The following TEX35 variants were observed in gnomAD, a reference collection of about 807,000 sequenced individuals.
TEX35 encodes testis-expressed protein 35.
In TEX35, 26 loss-of-function variants were observed where a neutral mutation model predicts 31.9. The ratio of observed to expected loss-of-function variants is 0.81; its 90% CI spans 0.60 to 1.13. The LOEUF (loss-of-function observed/expected upper bound fraction) is 1.13, where lower values mean the gene tolerates loss of function less well. TEX35 is among the 50% of genes most tolerant of loss of function. The probability of loss-of-function intolerance (pLI) is 0.00; values close to 1 mark genes in which losing one functional copy is unlikely to be tolerated. For synonymous variants in TEX35, 87 were observed against 90.7 expected, an observed-to-expected ratio of 0.96 and a Z score of 0.23; for missense variants, 278 against 273.5, an observed-to-expected ratio of 1.02 and a Z score of -0.12.
At position 178,514,774 on chromosome 1, in the gene TEX35, T is replaced by C. The variant is rs1650012377; in HGVS notation, c.159+6T>C. ...GAGTGACACAGGACCTAAAGGTGAG[T>C]GCGTGAACTTGGAGGCATGTCTATA... On this transcript the variant is annotated splice_donor_region_variant and intron_variant, in intron 3 of 8. Coordinates refer to ENST00000319416, the MANE Select transcript of TEX35 (RefSeq NM_032126.5). 1 of 1,612,650 alleles carries C rather than the reference T, an allele frequency of 6.2e-7. No individual in the cohort carries two copies. The highest frequency in any genetic ancestry group is 8.5e-7 in the Non-Finnish European group (1 of 1,179,270).
At chr1:178,514,335 G>A (rs1649992173) in intron 2 of TEX35, 1 of 1,292,016 alleles carries the variant, frequency 7.7e-7, no homozygotes, top group Non-Finnish European at 1.0e-6. Context: ...CTGCCGTGGA[G>A]TGGGTGGTAG....
chr1:178,516,793 C>A, intron 5 of TEX35, 119 bp downstream of exon 5: 2 of 613,324 alleles, frequency 3.3e-6, no homozygotes, highest in Non-Finnish European at 5.5e-6. Context: ...TATTCCATTG[C>A]AAGAAAGCAT....
intron 8 of TEX35, chr1:178,522,061 G>T (rs1311781217): frequency 9.2e-6 from 6 of 648,692 alleles, no homozygotes; most frequent in African/African-American, 1.8e-5. Context: ...CAGTCTGTGT[G>T]GTCTCAGGAG....
In TEX35 at chr1:178,514,776, C is replaced by T. The variant is rs149112892; in HGVS notation, c.159+8C>T. The stretch of plus-strand genomic sequence containing the variant: ...GTGACACAGGACCTAAAGGTGAGTG[C>T]GTGAACTTGGAGGCATGTCTATATT... On this transcript the variant is annotated splice_region_variant and intron_variant, in intron 3 of 8. Transcript: ENST00000319416. 1.1e-4 allele frequency: 183 copies of T among 1,612,342 alleles called. 1 individual carries two copies. In the East Asian group the frequency reaches 3.7e-3, roughly 32 times the overall value.
chr1:178,513,936 G>T, intron 1 of TEX35, 91 bp from the exon 2 acceptor site: 2 of 1,471,162 alleles, frequency 1.4e-6, no homozygotes, highest in Non-Finnish European at 1.9e-6. Context: ...GTTGTGGGGG[G>T]CAGGGGGCAG....
chr1:178,520,752 A>G lies in TEX35; in HGVS notation c.421A>G (p.Lys141Glu). Residue 141 changes from lysine (K) to glutamate (E), a missense_variant, in exon 7 of 9, where the codon AAG (lysine) becomes GAG (glutamate). Transcript: ENST00000319416. ...TCACAGAGAACCACAGCTCAGGCCC[A>G]AGAAAATGGATGGAGCCAGTGGAGT... ...KTHREPQLRP[K>E]KMDGASGVNG... The G allele has an allele frequency of 6.2e-7, 1 of 1,614,160 alleles. No individual in the cohort carries two copies. Among genetic ancestry groups the G allele is most frequent in the Non-Finnish European group, 8.5e-7 (1 of 1,180,020 alleles).
intron 6 of TEX35, 50 bp downstream of exon 6, chr1:178,520,486 C>G: frequency 1.2e-6 from 2 of 1,614,064 alleles, no homozygotes; most frequent in South Asian, 2.2e-5. Context: ...GGTCTCCTCC[C>G]TTCCCTTTGT....
chr1:178,515,330 CT>C (rs1480018465), intron 3 of TEX35, among the ~76,000 whole-genome samples: 1 of 152,160 alleles, frequency 6.6e-6, no homozygotes, highest in Non-Finnish European at 1.5e-5. Context: ...AACTCCTGAC[CT>C]CAGCTGATCT....
At chr1:178,515,585 A>T (rs1460357462) in intron 3 of TEX35, among the ~76,000 whole-genome samples, 1 of 151,682 alleles carries the variant, frequency 6.6e-6, no homozygotes, top group Non-Finnish European at 1.5e-5. Context: ...ATTAATTTTG[A>T]GATGGGGGTG....
In TEX35 at chr1:178,520,406, T is replaced by C. The variant is rs1213612591; in HGVS notation, c.311T>C (p.Ile104Thr). 2 of 1,614,026 alleles carry C rather than the reference T, an allele frequency of 1.2e-6. No homozygotes were observed. The highest frequency in any genetic ancestry group is 1.6e-4 in the Middle Eastern group (1 of 6,084). The stretch of plus-strand genomic sequence containing the variant: ...AAAGATATGGATGAGAAGATGGACA[T>C]TTTAATAAATACACAGAAGAACTAT... ...MQKDMDEKMD[I>T]LINTQKNYKL... The change falls in exon 6 of 9, where the codon ATT (isoleucine) becomes ACT (threonine). Residue 104 changes from isoleucine (I) to threonine (T), a missense_variant. Coordinates refer to ENST00000319416, the MANE Select transcript of TEX35 (RefSeq NM_032126.5).
At chr1:178,514,105 G>A in intron 2 of TEX35, 28 bp downstream of exon 2, 1 of 1,614,162 alleles carries the variant, frequency 6.2e-7, no homozygotes, top group Non-Finnish European at 8.5e-7. Flanking sequence ...GGCCATGCAG[G>A]CAGCCAGGCC....
At chr1:178,514,615 A>G in intron 2 of TEX35, 85 bp from the exon 3 acceptor site, 1 of 1,374,814 alleles carries the variant, frequency 7.3e-7, no homozygotes, top group Non-Finnish European at 1.0e-6. Flanking sequence ...GGAGGAACAG[A>G]AACACAGGGG....
At chr1:178,514,819 A>C (rs554123301) in intron 3 of TEX35, 51 bp downstream of exon 3, 1 of 1,517,180 alleles carries the variant, frequency 6.6e-7, no homozygotes, top group East Asian at 2.3e-5. Flanking sequence ...ACGTGAGTGT[A>C]AGTTTTCCCC....
intron 8 of TEX35, chr1:178,521,690 C>T (rs1185814757): frequency 7.1e-6 from 11 of 1,551,852 alleles, no homozygotes; most frequent in Non-Finnish European, 9.6e-6. Flanking sequence ...CAGAACCTAC[C>T]AGCAGTTCCG....
intron 8 of TEX35, chr1:178,521,765 C>A (rs1465086813): frequency 6.4e-7 from 1 of 1,551,612 alleles, no homozygotes; most frequent in African/African-American, 1.4e-5. Context: ...AATACCACCC[C>A]AACCCCAGGC....
At chr1:178,514,199 C>T (rs551424744) in intron 2 of TEX35, 122 bp downstream of exon 2, 2 of 1,584,196 alleles carry the variant, frequency 1.3e-6, no homozygotes, top group South Asian at 2.3e-5. Flanking sequence ...CTGGGGGATG[C>T]ACTGAGAGTT....
chr1:178,520,948 CT>C (rs1239093557), intron 7 of TEX35, 74 bp downstream of exon 7: 3 of 1,589,894 alleles, frequency 1.9e-6, no homozygotes, highest in Non-Finnish European at 2.6e-6. Flanking sequence ...CTTCCCCGAG[CT>C]TGTGCTGTAT....
chr1:178,521,094 G>A, intron 7 of TEX35, 128 bp from the exon 8 acceptor site: 1 of 1,583,614 alleles, frequency 6.3e-7, no homozygotes, highest in Middle Eastern at 1.9e-4. Flanking sequence ...CCCTGGATGG[G>A]CCTACCCGCC....
Position 178,514,246 on chromosome 1 carries a change from A to G in TEX35, c.90+169A>G, listed in dbSNP as rs1649987016. On this transcript the variant is annotated intron_variant, in intron 2 of 8. Coordinates refer to ENST00000319416, the MANE Select transcript of TEX35 (RefSeq NM_032126.5). ...AGAACTTCACACTGTAACCAATCAGATACATAAACGAACAAGGACTCATTC... is the reference window on the plus strand; with the variant it reads ...AGAACTTCACACTGTAACCAATCAGGTACATAAACGAACAAGGACTCATTC... 7 of 1,529,588 alleles carry G rather than the reference A, an allele frequency of 4.6e-6. No individual in the cohort carries two copies. The East Asian group carries it at 1.7e-4, about 37-fold the overall frequency. The allele number at this position is 1,529,588 out of a possible 1,614,324, so 94.8% of individuals were successfully genotyped here.
Sources: allele counts gnomAD v4.1 joint callset (sites outside exome capture counted in the v4.1 genomes callset), GRCh38; gene constraint gnomAD v4.1.1; transcripts MANE v1.5; gene names NCBI Gene and HGNC (gene_info 2026-07-23, HGNC 2026-07-21).